FANCC: variants seen among roughly 807,000 people sequenced by gnomAD.
FANCC encodes FA complementation group C.
In FANCC, 55 loss-of-function variants were observed where a neutral mutation model predicts 71.3. The ratio of observed to expected loss-of-function variants is 0.77; its 90% CI spans 0.62 to 0.97. The LOEUF (loss-of-function observed/expected upper bound fraction) is 0.97. FANCC is among the 50% of genes least tolerant of loss of function. The pLI, the probability that FANCC is intolerant of heterozygous loss-of-function variation, is 0.00. For synonymous variants in FANCC, 275 were observed against 244.9 expected (o/e 1.12, Z -1.15); for missense variants, 678 against 670.9 (o/e 1.01, Z -0.12).
chr9:95,102,644 T>A (rs761447783), intron 14 of FANCC, among the ~76,000 whole-genome samples: 11 of 152,182 alleles, frequency 7.2e-5, no homozygotes, highest in Non-Finnish European at 1.6e-4. Context: ...TCTGGAAGGG[T>A]TGGGCCGTTC....
At chr9:95,159,131 C>A (rs1481723172) in intron 6 of FANCC, among the ~76,000 whole-genome samples, 1 of 152,088 alleles carries the variant, frequency 6.6e-6, no homozygotes, top group East Asian at 1.9e-4. Flanking sequence ...TTGCTGCACC[C>A]ATTACCTCAT....
At chr9:95,208,200 C>T (rs183083083) in intron 4 of FANCC, among the ~76,000 whole-genome samples, 6 of 144,198 alleles carry the variant, frequency 4.2e-5, no homozygotes, top group Non-Finnish European at 9.0e-5. Flanking sequence ...CGAGTTCAAG[C>T]GATTCTCCTG....
chr9:95,264,780 C>A (rs1832289750), intron 1 of FANCC, among the ~76,000 whole-genome samples: 1 of 152,238 alleles, frequency 6.6e-6, no homozygotes, highest in South Asian at 2.1e-4. Context: ...GGCACCATGA[C>A]CTTGTCAGAA....
chr9:95,125,045 A>C, intron 10 of FANCC, 41 bp downstream of exon 10: 1 of 1,528,610 alleles, frequency 6.5e-7, no homozygotes, highest in Non-Finnish European at 9.1e-7. Context: ...ACAGCGTCTT[A>C]TTCTCTGGGA....
In FANCC at chr9:95,119,180, C is replaced by A. The variant is rs143111638; in HGVS notation, c.997-1790G>T. Among the ~76,000 whole-genome samples, 462 of 152,258 alleles carry A rather than the reference C, an allele frequency of 3.0e-3. 4 individuals carry two copies. The highest frequency in any genetic ancestry group is 0.01 in the African/African-American group (431 of 41,554). On this transcript the variant is annotated intron_variant, in intron 10 of 14. Coordinates refer to ENST00000289081, the MANE Select transcript of FANCC (RefSeq NM_000136.3). Reference sequence around the variant, plus strand: ...CTGAACAGTTTTCATGTGCTTACTGCCAACTTATGTATCTTTTTTGAAAGT... The same window carrying A: ...CTGAACAGTTTTCATGTGCTTACTGACAACTTATGTATCTTTTTTGAAAGT...
chr9:95,276,138 C>T (rs1448326797), intron 1 of FANCC, among the ~76,000 whole-genome samples: 2 of 152,156 alleles, frequency 1.3e-5, no homozygotes, highest in Non-Finnish European at 2.9e-5. Flanking sequence ...TCTCCAACCA[C>T]CAGGAAACTA....
intron 4 of FANCC, among the ~76,000 whole-genome samples, chr9:95,218,222 T>TGG (rs1828997932): frequency 6.6e-6 from 1 of 152,204 alleles, no homozygotes; most frequent in African/African-American, 2.4e-5. Context: ...CCTAGCACTT[T>TGG]GGGAGGCTAA....
At chr9:95,297,246 C>T (rs1834437618) in intron 1 of FANCC, among the ~76,000 whole-genome samples, 1 of 151,202 alleles carries the variant, frequency 6.6e-6, no homozygotes, top group Non-Finnish European at 1.5e-5. Context: ...CCTCCTTTCT[C>T]TAGGCATCTA....
intron 4 of FANCC, among the ~76,000 whole-genome samples, chr9:95,174,685 T>C (rs1337539483): frequency 1.3e-5 from 2 of 152,220 alleles, no homozygotes; most frequent in African/African-American, 4.8e-5. Flanking sequence ...TACTGCATTT[T>C]GTGATAACAC....
At chr9:95,203,440 C>CGTT (rs1827927735) in intron 4 of FANCC, among the ~76,000 whole-genome samples, 1 of 150,608 alleles carries the variant, frequency 6.6e-6, no homozygotes, top group Non-Finnish European at 1.5e-5. Context: ...ACCTCGTAAC[C>CGTT]GCAGGCTAAT....
At chr9:95,311,970 G>C (rs1302445297) in intron 1 of FANCC, among the ~76,000 whole-genome samples, 1 of 152,120 alleles carries the variant, frequency 6.6e-6, no homozygotes, top group Non-Finnish European at 1.5e-5. Context: ...CACATCTAAA[G>C]TCAGGTCATC....
chr9:95,147,365 A>G (rs984588159), intron 7 of FANCC, among the ~76,000 whole-genome samples: 3 of 152,160 alleles, frequency 2.0e-5, no homozygotes, highest in Admixed American at 6.5e-5. Context: ...AAAAACACAA[A>G]ATTAGCTGGG....
intron 1 of FANCC, among the ~76,000 whole-genome samples, chr9:95,291,488 CA>C (rs546724666): frequency 2.0e-5 from 3 of 146,678 alleles, no homozygotes; most frequent in East Asian, 2.0e-4. Flanking sequence ...CAATACCTGC[CA>C]AAAAAAAAGA....
intron 10 of FANCC, among the ~76,000 whole-genome samples, chr9:95,120,353 G>C (rs1050878569): frequency 6.6e-6 from 1 of 151,846 alleles, no homozygotes; most frequent in African/African-American, 2.4e-5. Flanking sequence ...ACTCAATTCT[G>C]ATCTATCTAT....
At chr9:95,145,450 C>T (rs1267376872) in intron 7 of FANCC, 1 of 152,142 alleles carries the variant, frequency 6.6e-6, no homozygotes, top group African/African-American at 2.4e-5. Context: ...CATGAAAACG[C>T]CAGCTCTCTC....
chr9:95,277,888 C>G (rs948294367), intron 1 of FANCC, among the ~76,000 whole-genome samples: 1 of 151,910 alleles, frequency 6.6e-6, no homozygotes, highest in Admixed American at 6.6e-5. Flanking sequence ...GCTAGAAAAC[C>G]CACTTTGCAA....
At chr9:95,300,730 T>C (rs1230712972) in intron 1 of FANCC, among the ~76,000 whole-genome samples, 1 of 152,190 alleles carries the variant, frequency 6.6e-6, no homozygotes, top group Admixed American at 6.5e-5. Context: ...GATATGTGGT[T>C]ATCCCACCCT....
At chr9:95,220,905 T>C (rs991065043) in intron 4 of FANCC, among the ~76,000 whole-genome samples, 4 of 151,600 alleles carry the variant, frequency 2.6e-5, no homozygotes, top group South Asian at 2.1e-4. Flanking sequence ...ATAAAAGAAA[T>C]ACAGGTTTGA....
chr9:95,176,469 T>C (rs1435012961), intron 4 of FANCC, among the ~76,000 whole-genome samples: 1 of 152,222 alleles, frequency 6.6e-6, no homozygotes, highest in Admixed American at 6.5e-5. Context: ...AGGACTTCAG[T>C]ATGTCCAATC....
Sources: gnomAD v4.1 joint callset for allele counts (sites outside exome capture counted in the v4.1 genomes callset) on GRCh38, gnomAD v4.1.1 for gene constraint, MANE v1.5 for transcripts, NCBI Gene and HGNC (gene_info 2026-07-23, HGNC 2026-07-21) for gene names.